PDS5B: variants seen among roughly 807,000 people sequenced by gnomAD.
The protein encoded by PDS5B is PDS5 cohesin associated factor B.
A neutral mutation model predicts 184.1 loss-of-function variants in PDS5B; 51 were observed. That is an observed-to-expected ratio of 0.28 (90% CI 0.22 to 0.35). PDS5B has a LOEUF of 0.35. PDS5B is among the 10% of genes least tolerant of loss of function. PDS5B has a pLI of 1.00. For synonymous variants in PDS5B, 566 were observed against 569.2 expected (o/e 0.99, Z 0.08); for missense variants, 1,180 against 1,723.3 (o/e 0.68, Z 5.58).
chr13:32,652,145 GTTTT>G (rs34522910), intron 3 of PDS5B, 138 bp downstream of exon 3: 4 of 473,454 alleles, frequency 8.4e-6, no homozygotes, highest in African/African-American at 4.1e-5. Context: ...TAAACTTAAT[GTTTT>G]TTTTTTTTTT....
chr13:32,705,128 T>C (rs1163957317), intron 17 of PDS5B, among the ~76,000 whole-genome samples: 1 of 152,164 alleles, frequency 6.6e-6, no homozygotes, highest in Admixed American at 6.5e-5. Context: ...TGTTGTGGCC[T>C]TTTTTTGTAG....
rs769076446 is a variant in PDS5B, at chr13:32,773,159, T to A, written c.4173-30T>A. The A allele has an allele frequency of 2.6e-6, 4 of 1,561,000 alleles. No individual in the cohort carries two copies. In the Middle Eastern group the frequency reaches 6.9e-4, roughly 268 times the overall value. Reference sequence around the variant, plus strand: ...GTAATCTACTGAAAGATTGGAACGTTCATTGTGTTTTACATGTGTTTTACT... The same window carrying A: ...GTAATCTACTGAAAGATTGGAACGTACATTGTGTTTTACATGTGTTTTACT... On this transcript the variant is annotated intron_variant, in intron 33 of 34. Coordinates refer to ENST00000315596, the MANE Select transcript of PDS5B (RefSeq NM_015032.4).
chr13:32,758,003 T>C (rs1954247558), intron 26 of PDS5B, 84 bp from the exon 27 acceptor site: 2 of 552,872 alleles, frequency 3.6e-6, no homozygotes, highest in South Asian at 5.4e-5. Context: ...AGGTTTGTTA[T>C]ATTTATATTT....
chr13:32,663,050 A>G (rs1950690660), intron 6 of PDS5B, among the ~76,000 whole-genome samples: 1 of 152,124 alleles, frequency 6.6e-6, no homozygotes. Flanking sequence ...CCTATAACCA[A>G]TACATTTAGT....
At chr13:32,614,544 C>T (rs1403064474) in intron 1 of PDS5B, among the ~76,000 whole-genome samples, 2 of 152,060 alleles carry the variant, frequency 1.3e-5, no homozygotes, top group South Asian at 2.1e-4. Context: ...GTGAGCTGCC[C>T]GCCTTGGCCT....
intron 13 of PDS5B, among the ~76,000 whole-genome samples, chr13:32,692,164 A>G (rs73448672): frequency 0.01 from 1,581 of 152,148 alleles, 37 homozygotes; most frequent in African/African-American, 0.035. Flanking sequence ...AAAGAGCCAT[A>G]TATTTTATTC....
rs146256349 is a variant in PDS5B, at chr13:32,729,103, C to A, written c.2124-2998C>A. 8.8e-3 allele frequency among the ~76,000 whole-genome samples: 1,343 copies of A among 152,198 alleles called. 12 individuals are homozygous for A. Among genetic ancestry groups the A allele is most frequent in the African/African-American group, 0.021 (866 of 41,522 alleles). Reference sequence around the variant, plus strand: ...TAATGCTCTCCCTCCCCTTGCCCCCCACCCCACAACAGGCCCTGGTGTGTG... The same window carrying A: ...TAATGCTCTCCCTCCCCTTGCCCCCAACCCCACAACAGGCCCTGGTGTGTG... On this transcript the variant is annotated intron_variant, in intron 19 of 34. Coordinates refer to ENST00000315596, the MANE Select transcript of PDS5B (RefSeq NM_015032.4).
chr13:32,645,325 T>C (rs1239217538), intron 1 of PDS5B, among the ~76,000 whole-genome samples: 1 of 152,198 alleles, frequency 6.6e-6, no homozygotes, highest in Middle Eastern at 3.2e-3. Context: ...GTTATGCTAA[T>C]TAGTTGCTTA....
chr13:32,691,171 T>A (rs1197116313), intron 13 of PDS5B: 5 of 152,078 alleles, frequency 3.3e-5, no homozygotes, highest in African/African-American at 1.2e-4. Flanking sequence ...AAATTTTTTT[T>A]AACATATACA....
intron 27 of PDS5B, 150 bp downstream of exon 27, chr13:32,758,369 C>A (rs1954260572): frequency 2.1e-6 from 2 of 954,460 alleles, no homozygotes; most frequent in African/African-American, 1.7e-5. Context: ...AATTTTATTA[C>A]AAGTAAATGA....
chr13:32,695,278 A>G (rs1951669490), intron 14 of PDS5B, among the ~76,000 whole-genome samples: 1 of 151,912 alleles, frequency 6.6e-6, no homozygotes, highest in African/African-American at 2.4e-5. Context: ...TTTGTGTTTT[A>G]TTGAACATAA....
At chr13:32,762,132 A>AAAG (rs1954426801) in intron 30 of PDS5B, among the ~76,000 whole-genome samples, 1 of 152,118 alleles carries the variant, frequency 6.6e-6, no homozygotes, top group African/African-American at 2.4e-5. Flanking sequence ...TTTGCTCATT[A>AAAG]AAGAAGAGTT....
At chr13:32,628,768 A>G (rs2058409994) in intron 1 of PDS5B, among the ~76,000 whole-genome samples, 1 of 135,028 alleles carries the variant, frequency 7.4e-6, no homozygotes, top group Non-Finnish European at 1.7e-5. Flanking sequence ...TTATTGGCTA[A>G]CACTGTTATA....
At chr13:32,774,078 C>T (rs538914004) in intron 34 of PDS5B, among the ~76,000 whole-genome samples, 2 of 152,316 alleles carry the variant, frequency 1.3e-5, no homozygotes, top group East Asian at 3.9e-4. Context: ...GGTGGGATTA[C>T]AGGCATCAGC....
At chr13:32,619,180 G>A (rs1451587685) in intron 1 of PDS5B, among the ~76,000 whole-genome samples, 1 of 152,106 alleles carries the variant, frequency 6.6e-6, no homozygotes, top group Non-Finnish European at 1.5e-5. Context: ...CCTGTTGGGG[G>A]GAGAGTTGAC....
At chr13:32,597,838 T>A (rs2140474701) in intron 1 of PDS5B, among the ~76,000 whole-genome samples, 1 of 149,084 alleles carries the variant, frequency 6.7e-6, no homozygotes, top group Non-Finnish European at 1.5e-5. Flanking sequence ...AGCGAGACTC[T>A]GTCTCAAAAA....
chr13:32,680,372 G>A (rs1316755721), intron 10 of PDS5B, among the ~76,000 whole-genome samples: 1 of 152,174 alleles, frequency 6.6e-6, no homozygotes, highest in Non-Finnish European at 1.5e-5. Flanking sequence ...ATCAGAGTGA[G>A]TTGTTTGTTG....
chr13:32,729,167 A>G (rs1259955514), intron 19 of PDS5B, among the ~76,000 whole-genome samples: 10 of 151,962 alleles, frequency 6.6e-5, no homozygotes, highest in East Asian at 1.9e-4. Context: ...TCATTGTTCA[A>G]CTTCCACTTA....
chr13:32,764,192 T>A (rs960968911), intron 30 of PDS5B, among the ~76,000 whole-genome samples: 1 of 152,102 alleles, frequency 6.6e-6, no homozygotes, highest in Non-Finnish European at 1.5e-5. Context: ...CAAGCTAAAC[T>A]GCCAACGAGA....
Sources: gnomAD v4.1 joint callset for allele counts (sites outside exome capture counted in the v4.1 genomes callset) on GRCh38, gnomAD v4.1.1 for gene constraint, MANE v1.5 for transcripts, NCBI Gene and HGNC (gene_info 2026-07-23, HGNC 2026-07-21) for gene names.